LRRTM4: variants seen among roughly 807,000 people sequenced by gnomAD.
LRRTM4 encodes leucine-rich repeat transmembrane neuronal protein 4.
LRRTM4 carries 25 observed loss-of-function variants against 47.6 expected under a neutral mutation model. The observed-to-expected ratio is 0.53, with a 90% CI of 0.38 to 0.73. The LOEUF (loss-of-function observed/expected upper bound fraction) is 0.73. Among genes scored for constraint, LRRTM4 ranks in the 30% least tolerant of loss-of-function variants. The pLI, the probability that LRRTM4 is intolerant of heterozygous loss-of-function variation, is 0.00. For missense variants in LRRTM4, 638 were observed against 713.4 expected (o/e 0.89, Z 1.20); for synonymous variants, 311 against 269.5 (o/e 1.15, Z -1.51).
chr2:77,051,841 CAG>C (rs777854069), intron 3 of LRRTM4, among the ~76,000 whole-genome samples: 2 of 152,068 alleles, frequency 1.3e-5, no homozygotes, highest in African/African-American at 2.4e-5. Context: ...AAACTGAAAA[CAG>C]TGGATAATTT....
chr2:77,466,405 G>T (rs562779326), intron 3 of LRRTM4, among the ~76,000 whole-genome samples: 1 of 152,130 alleles, frequency 6.6e-6, no homozygotes, highest in Non-Finnish European at 1.5e-5. Context: ...AGTTTCAAAC[G>T]TGAGGTTAAT....
At chr2:77,286,776 T>A (rs1676675116) in intron 3 of LRRTM4, among the ~76,000 whole-genome samples, 1 of 152,130 alleles carries the variant, frequency 6.6e-6, no homozygotes, top group Admixed American at 6.6e-5. Flanking sequence ...AAAATCTAGC[T>A]ATTGTCATGT....
chr2:76,829,509 C>G (rs934735201), intron 3 of LRRTM4, among the ~76,000 whole-genome samples: 1 of 147,190 alleles, frequency 6.8e-6, no homozygotes, highest in Non-Finnish European at 1.5e-5. Flanking sequence ...CACATCTAAT[C>G]TCTAATTACA....
chr2:77,200,048 A>C (rs913389450), intron 3 of LRRTM4, among the ~76,000 whole-genome samples: 6 of 152,064 alleles, frequency 3.9e-5, no homozygotes, highest in African/African-American at 1.4e-4. Flanking sequence ...AAAGTTAAAC[A>C]TGTGTTTTAG....
chr2:77,273,359 A>G (rs1251651453), intron 3 of LRRTM4, among the ~76,000 whole-genome samples: 3 of 152,184 alleles, frequency 2.0e-5, no homozygotes, highest in Non-Finnish European at 4.4e-5. Flanking sequence ...GAAGAAAACA[A>G]ACCTTTACCC....
At chr2:76,794,539 T>G (rs1675161418) in intron 3 of LRRTM4, among the ~76,000 whole-genome samples, 1 of 152,242 alleles carries the variant, frequency 6.6e-6, no homozygotes, top group Non-Finnish European at 1.5e-5. Flanking sequence ...TATCTAGACT[T>G]AATTGAATTG....
rs1386393489 is a variant in LRRTM4, at chr2:77,124,575, C to T, written c.1552-375659G>A. Among the ~76,000 whole-genome samples the T allele has an allele frequency of 2.6e-5, 4 of 152,140 alleles. No homozygotes were observed. In the South Asian group the frequency reaches 8.3e-4, roughly 31 times the overall value. On this transcript the variant is annotated intron_variant, in intron 3 of 3. Coordinates refer to ENST00000409884, the MANE Select transcript of LRRTM4 (RefSeq NM_001134745.3). ...TGGATGTCTCTTGGTATCAAAGTCA[C>T]ATCATCACACCAGATGATTCATGCT...
Position 76,924,329 on chromosome 2 carries a change from T to A in LRRTM4, c.1552-175413A>T, listed in dbSNP as rs367622157. On this transcript the variant is annotated intron_variant, in intron 3 of 3. Transcript: ENST00000409884. ...TCCTCAACTCTTCTCTTTTTGTTCT[T>A]TATGAGTTCTATGTGATTATGTAGA... Among the ~76,000 whole-genome samples, 50 of 152,236 alleles carry A rather than the reference T, an allele frequency of 3.3e-4. No homozygotes were observed. In the South Asian group the frequency reaches 9.1e-3, roughly 28 times the overall value.
intron 3 of LRRTM4, among the ~76,000 whole-genome samples, chr2:77,278,603 T>G: frequency 6.6e-6 from 1 of 151,858 alleles, no homozygotes; most frequent in East Asian, 1.9e-4. Flanking sequence ...CAAGAAAAAT[T>G]AAAAGTAAAA....
chr2:77,516,569 G>A (rs1328519159), intron 3 of LRRTM4: 6 of 963,198 alleles, frequency 6.2e-6, no homozygotes, highest in African/African-American at 1.8e-5. Flanking sequence ...AATATAAGGA[G>A]AACCCAGAAT....
In LRRTM4 at chr2:77,211,936, T is replaced by A. The variant is rs1472373135; in HGVS notation, c.1551+306382A>T. Among the ~76,000 whole-genome samples the A allele has an allele frequency of 2.6e-5, 4 of 152,302 alleles. No individual in the cohort carries two copies. The South Asian group carries it at 8.3e-4, about 32-fold the overall frequency. Reference sequence around the variant, plus strand: ...ATATTCTTTATTAATTTTTCATGAATGTTTTTCCCACTTGATAATAAGCTC... The same window carrying A: ...ATATTCTTTATTAATTTTTCATGAAAGTTTTTCCCACTTGATAATAAGCTC... On this transcript the variant is annotated intron_variant, in intron 3 of 3. Coordinates refer to ENST00000409884, the MANE Select transcript of LRRTM4 (RefSeq NM_001134745.3).
At chr2:77,171,033 A>G (rs72911888) in intron 3 of LRRTM4, among the ~76,000 whole-genome samples, 7,590 of 151,646 alleles carry the variant, frequency 0.05, 629 homozygotes, top group African/African-American at 0.17. Context: ...TAATATATAC[A>G]TATATGTGTA....
chr2:77,499,451 A>C (rs551238528), intron 3 of LRRTM4, among the ~76,000 whole-genome samples: 21 of 151,954 alleles, frequency 1.4e-4, no homozygotes, highest in Admixed American at 7.2e-4. Flanking sequence ...ACCAGGTGTT[A>C]ATCTTGTCTC....
chr2:77,002,942 G>T (rs1677486151), intron 3 of LRRTM4, among the ~76,000 whole-genome samples: 1 of 152,032 alleles, frequency 6.6e-6, no homozygotes, highest in African/African-American at 2.4e-5. Context: ...CTAGTTTTCT[G>T]GACCACACCA....
Position 76,885,462 on chromosome 2 carries a change from CT to C in LRRTM4, c.1552-136547del, listed in dbSNP as rs775279021. 2.8e-3 allele frequency among the ~76,000 whole-genome samples: 375 copies of C among 135,544 alleles called. 2 individuals carry two copies. Among genetic ancestry groups the C allele is most frequent in the Non-Finnish European group, 4.1e-3 (255 of 62,384 alleles). The allele number at this position is 135,544 out of a possible 152,430, so 88.9% of individuals were successfully genotyped here. Reference sequence around the variant, plus strand: ...GGAAGAAAGTTTTGACAAAAACATGCTTTTTTTTTTTTTTTTTTGAGACGAA... The same window carrying C: ...GGAAGAAAGTTTTGACAAAAACATGCTTTTTTTTTTTTTTTTTGAGACGAA... On this transcript the variant is annotated intron_variant, in intron 3 of 3. Coordinates refer to ENST00000409884, the MANE Select transcript of LRRTM4 (RefSeq NM_001134745.3).
At chr2:77,255,090 A>G (rs545369368) in intron 3 of LRRTM4, among the ~76,000 whole-genome samples, 1 of 152,120 alleles carries the variant, frequency 6.6e-6, no homozygotes, top group South Asian at 2.1e-4. Flanking sequence ...AAAAGTATAT[A>G]TAAAGAATAT....
At chr2:77,222,970 C>A (rs530162605) in intron 3 of LRRTM4, among the ~76,000 whole-genome samples, 76 of 152,174 alleles carry the variant, frequency 5.0e-4, no homozygotes, top group African/African-American at 1.8e-3. Flanking sequence ...AAAATACTGG[C>A]AAACTGAATC....
At chr2:77,460,530 A>T (rs1458104572) in intron 3 of LRRTM4, among the ~76,000 whole-genome samples, 1 of 152,154 alleles carries the variant, frequency 6.6e-6, no homozygotes, top group Non-Finnish European at 1.5e-5. Flanking sequence ...TTCTAAGGTC[A>T]TTTTAGTAAT....
At chr2:77,044,099 T>C (rs1573492304) in intron 3 of LRRTM4, among the ~76,000 whole-genome samples, 2 of 151,840 alleles carry the variant, frequency 1.3e-5, no homozygotes, top group East Asian at 3.9e-4. Context: ...ATGCCTTAGA[T>C]ATTCTGAGGA....
Sources: allele counts gnomAD v4.1 joint callset (sites outside exome capture counted in the v4.1 genomes callset), GRCh38; gene constraint gnomAD v4.1.1; transcripts MANE v1.5; gene names NCBI Gene and HGNC (gene_info 2026-07-23, HGNC 2026-07-21).